The following MPDU1 variants were observed in gnomAD, a reference collection of about 807,000 sequenced individuals.
MPDU1 encodes mannose-P-dolichol utilization defect 1 protein.
Under a neutral mutation model 27.6 loss-of-function variants are expected in MPDU1, and 18 were observed. The ratio of observed to expected loss-of-function variants is 0.65; its 90% confidence interval spans 0.45 to 0.97. The LOEUF (loss-of-function observed/expected upper bound fraction) is 0.97, where lower values mean the gene tolerates loss of function less well. Among genes scored for constraint, MPDU1 ranks in the 50% least tolerant of loss-of-function variants. The pLI, the probability that MPDU1 is intolerant of heterozygous loss-of-function variation, is 0.00. For synonymous variants in MPDU1, 142 were observed against 131.1 expected, an observed-to-expected ratio of 1.08 and a Z score of -0.57; for missense variants, 279 against 297.4, an observed-to-expected ratio of 0.94 and a Z score of 0.46.
chr17:7,584,153 G>A (rs2071542542), intron 1 of MPDU1, 188 bp downstream of exon 1: 3 of 655,396 alleles, frequency 4.6e-6, no homozygotes, highest in African/African-American at 1.8e-5. Context: ...TGCCAGTGGG[G>A]AAGTCACCGG....
At chr17:7,584,854 G>T (rs1302204385) in intron 1 of MPDU1, among the ~76,000 whole-genome samples, 1 of 152,092 alleles carries the variant, frequency 6.6e-6, no homozygotes, top group Non-Finnish European at 1.5e-5. Flanking sequence ...TTAGCCGGGC[G>T]TTGTGGCAGG....
chr17:7,583,960 T>G lies in MPDU1; in HGVS notation c.98T>G (p.Leu33Arg). 1 of 1,613,972 alleles carries G rather than the reference T, an allele frequency of 6.2e-7. No individual in the cohort carries two copies. Among genetic ancestry groups the G allele is most frequent in the Non-Finnish European group, 8.5e-7 (1 of 1,179,980 alleles). Residue 33 changes from leucine to arginine, a missense_variant, in exon 1 of 7, where the codon CTT (leucine) becomes CGT (arginine). Transcript: ENST00000250124. Reference sequence around the variant, plus strand: ...CAACTTTTCGTTCAGTGGGACTTGCTTCACGGTGAGTTTTATTCAGCATCC... The same window carrying G: ...CAACTTTTCGTTCAGTGGGACTTGCGTCACGGTGAGTTTTATTCAGCATCC... ...YDQLFVQWDL[L>R]HVPCLKILLS...
intron 5 of MPDU1, 53 bp downstream of exon 5, chr17:7,587,070 G>C (rs774222351): frequency 6.4e-7 from 1 of 1,552,884 alleles, no homozygotes; most frequent in Non-Finnish European, 8.9e-7. Context: ...TGGGGGGGAA[G>C]AGTAGAAGAT....
Position 7,588,085 on chromosome 17 carries a change from G to A in MPDU1, c.*534G>A, listed in dbSNP as rs1339241031. On this transcript the variant is annotated 3_prime_UTR_variant, in exon 7 of 7. Transcript: ENST00000250124. ...CCCAGGGTGGGGTGAGGAGGTTCCTGCTCTGGCAGGTCTAGGCGGAAGGGA... is the reference window on the plus strand; with the variant it reads ...CCCAGGGTGGGGTGAGGAGGTTCCTACTCTGGCAGGTCTAGGCGGAAGGGA... 10 of 575,060 alleles carry A rather than the reference G, an allele frequency of 1.7e-5. No homozygotes were observed. The highest frequency in any genetic ancestry group is 1.2e-4 in the South Asian group (8 of 65,554). The allele number at this position is 575,060 out of a possible 1,614,324, so 35.6% of individuals were successfully genotyped here.
intron 3 of MPDU1, 182 bp downstream of exon 3, chr17:7,586,260 T>G: frequency 1.5e-6 from 1 of 687,838 alleles, no homozygotes; most frequent in Non-Finnish European, 2.6e-6. Flanking sequence ...GCCAACATGG[T>G]GAAACCCCGT....
Position 7,586,981 on chromosome 17 carries a change from C to A in MPDU1, c.471C>A (p.Leu157=), listed in dbSNP as rs2071594330. The change falls in exon 5 of 7, where the codon CTC becomes CTA. Residue 157 remains leucine, a synonymous_variant. Coordinates refer to ENST00000250124, the MANE Select transcript of MPDU1 (RefSeq NM_004870.4). ...CGCCCTTGACTGTAGTCACCCTGCT[C>A]CAGGCCTCCAATGTGCCTGCTGTGG... ...PLTPLTVVTL[L]QASNVPAVVV... 6.2e-7 allele frequency: 1 copy of A among 1,613,138 alleles called. No homozygotes were observed.
At chr17:7,585,880 T>C in intron 2 of MPDU1, 66 bp from the exon 3 acceptor site, 1 of 1,612,824 alleles carries the variant, frequency 6.2e-7, no homozygotes, top group South Asian at 1.1e-5. Context: ...GTTCGTTCTA[T>C]AGCTGTTGTG....
chr17:7,587,185 C>G lies in MPDU1; in HGVS notation c.532C>G (p.His178Asp). 6.2e-7 allele frequency: 1 copy of G among 1,614,102 alleles called. No homozygotes were observed. The change falls in exon 6 of 7, where the codon CAC becomes GAC. Residue 178 changes from histidine (H) to aspartate (D), a missense_variant. Coordinates refer to ENST00000250124, the MANE Select transcript of MPDU1 (RefSeq NM_004870.4). ...GRLLQAATNY[H>D]NGHTGQLSAI... ...GCTTCTCCAGGCAGCCACCAACTAC[C>G]ACAACGGGCACACAGGCCAGCTCTC... is the stretch of plus-strand genomic sequence containing the variant.
chr17:7,585,828 G>C, intron 2 of MPDU1, 31 bp downstream of exon 2: 1 of 1,613,496 alleles, frequency 6.2e-7, no homozygotes, highest in African/African-American at 1.3e-5. Context: ...TCCAGCTGTT[G>C]GGTTGGGGTG....
chr17:7,586,659 C>A (rs373370955), intron 3 of MPDU1, 33 bp from the exon 4 acceptor site: 1 of 1,599,866 alleles, frequency 6.3e-7, no homozygotes, highest in South Asian at 1.1e-5. Flanking sequence ...TTTCTAGGCC[C>A]GCCTTTCTTC....
chr17:7,586,630 T>C (rs1335280636), intron 3 of MPDU1, 62 bp from the exon 4 acceptor site: 2 of 1,410,764 alleles, frequency 1.4e-6, no homozygotes, highest in African/African-American at 2.8e-5. Flanking sequence ...GGATGGGCTA[T>C]GGAGGCTTTC....
At position 7,587,589 on chromosome 17, in the gene MPDU1, C is replaced by T. The variant is rs747344078; in HGVS notation, c.*38C>T. On this transcript the variant is annotated 3_prime_UTR_variant, in exon 7 of 7. Transcript: ENST00000250124. ...GAGTCATTCCGTTTCCACTCATTCA[C>T]CCAACCTCAGGGTTCTCCCCATCTG... 1.9e-6 allele frequency: 3 copies of T among 1,613,136 alleles called. No individual in the cohort carries two copies. The highest frequency in any genetic ancestry group is 2.5e-6 in the Non-Finnish European group (3 of 1,179,594).
chr17:7,587,409 CTG>C lies in MPDU1; in HGVS notation c.619-15_619-14del, dbSNP rs770761033. 2 of 1,613,928 alleles carry C rather than the reference CTG, an allele frequency of 1.2e-6. No individual in the cohort carries two copies. Among genetic ancestry groups the C allele is most frequent in the African/African-American group, 2.7e-5 (2 of 74,878 alleles). ...GCTATGCTGAAGGGTAACCCTGGCT[CTG>C]TCTCTTGCAACCAGGAAACCGGAGA... On this transcript the variant is annotated splice_polypyrimidine_tract_variant and intron_variant, in intron 6 of 6. Coordinates refer to ENST00000250124, the MANE Select transcript of MPDU1 (RefSeq NM_004870.4).
intron 1 of MPDU1, 103 bp from the exon 2 acceptor site, chr17:7,585,629 C>T: frequency 9.1e-7 from 1 of 1,103,936 alleles, no homozygotes; most frequent in Non-Finnish European, 1.4e-6. Flanking sequence ...CAATGCAAGA[C>T]CCTGGTGTGG....
chr17:7,587,092 G>T, intron 5 of MPDU1, 69 bp from the exon 6 acceptor site: 1 of 1,573,492 alleles, frequency 6.4e-7, no homozygotes, highest in South Asian at 1.1e-5. Flanking sequence ...AAAGTGTGGG[G>T]GTGTTGTACT....
chr17:7,584,271 AG>A, intron 1 of MPDU1: 1 of 587,240 alleles, frequency 1.7e-6, no homozygotes, highest in Non-Finnish European at 3.0e-6. Context: ...AACCTTTATT[AG>A]ATCGCTAGCA....
At chr17:7,584,807 T>C (rs2071553755) in intron 1 of MPDU1, among the ~76,000 whole-genome samples, 1 of 151,294 alleles carries the variant, frequency 6.6e-6, no homozygotes, top group Admixed American at 6.6e-5. Context: ...GCCTGGCCAA[T>C]AGGGCGAAAC....
Position 7,583,929 on chromosome 17 carries a change from T to A in MPDU1, c.67T>A (p.Tyr23Asn). 6.2e-7 allele frequency: 1 copy of A among 1,614,236 alleles called. No homozygotes were observed. Among genetic ancestry groups the A allele is most frequent in the Non-Finnish European group, 8.5e-7 (1 of 1,180,050 alleles). The change falls in exon 1 of 7, where the codon TAC becomes AAC. Residue 23 changes from tyrosine to asparagine, a missense_variant. Tyr to Asn is a moderately radical substitution (Grantham distance 143). Coordinates refer to ENST00000250124, the MANE Select transcript of MPDU1 (RefSeq NM_004870.4). Reference sequence around the variant, plus strand: ...GCCGATTCTTTTACCTGAGAAATGCTACGACCAACTTTTCGTTCAGTGGGA... The same window carrying A: ...GCCGATTCTTTTACCTGAGAAATGCAACGACCAACTTTTCGTTCAGTGGGA... ...LVPILLPEKC[Y>N]DQLFVQWDLL...
intron 5 of MPDU1, 39 bp downstream of exon 5, chr17:7,587,056 A>C: frequency 4.1e-6 from 3 of 736,118 alleles, no homozygotes; most frequent in Non-Finnish European, 5.8e-6. Context: ...TTGTGGGGGC[A>C]GGGTGGGGGG....
Sources: gnomAD v4.1 joint callset for allele counts (sites outside exome capture counted in the v4.1 genomes callset) on GRCh38, gnomAD v4.1.1 for gene constraint, MANE v1.5 for transcripts, NCBI Gene and HGNC (gene_info 2026-07-23, HGNC 2026-07-21) for gene names.